Variants in MAN1A1 observed in about 807,000 individuals in gnomAD.
MAN1A1 encodes mannosyl-oligosaccharide 1,2-alpha-mannosidase IA.
MAN1A1 carries 29 observed loss-of-function variants against 70.8 expected under a neutral mutation model. The observed-to-expected ratio is 0.41, with a 90% CI of 0.31 to 0.56. The LOEUF is 0.56. Among genes scored for constraint, MAN1A1 ranks in the 20% least tolerant of loss-of-function variants. MAN1A1 has a pLI of 0.29. For synonymous variants in MAN1A1, 349 were observed against 330.1 expected, an observed-to-expected ratio of 1.06 and a Z score of -0.62; for missense variants, 747 against 841.3, an observed-to-expected ratio of 0.89 and a Z score of 1.39.
At chr6:119,298,829 C>T (rs1190181110) in intron 4 of MAN1A1, among the ~76,000 whole-genome samples, 1 of 152,002 alleles carries the variant, frequency 6.6e-6, no homozygotes, top group East Asian at 1.9e-4. Flanking sequence ...ATCTCCTGAC[C>T]TCATGATCCA....
intron 6 of MAN1A1, among the ~76,000 whole-genome samples, chr6:119,241,921 TG>T (rs1775016135): frequency 6.8e-6 from 1 of 147,288 alleles, no homozygotes; most frequent in African/African-American, 2.5e-5. Flanking sequence ...TGTGTGTGTG[TG>T]TTTGTGTATG....
At chr6:119,336,514 T>A (rs535630566) in intron 2 of MAN1A1, among the ~76,000 whole-genome samples, 1 of 152,324 alleles carries the variant, frequency 6.6e-6, no homozygotes, top group South Asian at 2.1e-4. Context: ...TAGTCATCTG[T>A]AGAATAAACT....
intron 8 of MAN1A1, among the ~76,000 whole-genome samples, chr6:119,197,816 T>C (rs1329232891): frequency 2.6e-5 from 4 of 151,188 alleles, no homozygotes; most frequent in Non-Finnish European, 5.9e-5. Flanking sequence ...TTTTTTTCCA[T>C]CAGGAAATTG....
chr6:119,242,974 C>T (rs1486157393), intron 6 of MAN1A1, among the ~76,000 whole-genome samples: 2 of 151,716 alleles, frequency 1.3e-5, no homozygotes, highest in African/African-American at 4.8e-5. Flanking sequence ...AAAAAAAATC[C>T]AACTGGGGGA....
intron 6 of MAN1A1, among the ~76,000 whole-genome samples, chr6:119,222,610 A>G (rs1774395477): frequency 6.6e-6 from 1 of 152,188 alleles, no homozygotes; most frequent in Admixed American, 6.5e-5. Context: ...TACAGGCATG[A>G]GCCACTATGC....
At chr6:119,253,054 G>A (rs959253098) in intron 5 of MAN1A1, among the ~76,000 whole-genome samples, 4 of 152,126 alleles carry the variant, frequency 2.6e-5, no homozygotes, top group African/African-American at 7.2e-5. Context: ...AAAAATCGTC[G>A]TTTTGAAGTG....
At chr6:119,272,204 T>C (rs1469459769) in intron 5 of MAN1A1, among the ~76,000 whole-genome samples, 2 of 152,234 alleles carry the variant, frequency 1.3e-5, no homozygotes, top group African/African-American at 4.8e-5. Context: ...TCTAATTGTC[T>C]TCAGTTTCCA....
intron 6 of MAN1A1, among the ~76,000 whole-genome samples, chr6:119,232,154 C>T (rs766906967): frequency 9.9e-5 from 15 of 151,902 alleles, no homozygotes; most frequent in Non-Finnish European, 8.8e-5. Context: ...AGGCGGATCA[C>T]GAGGTCAGGA....
At chr6:119,181,660 T>TG (rs1277761693) in intron 11 of MAN1A1, among the ~76,000 whole-genome samples, 2 of 152,200 alleles carry the variant, frequency 1.3e-5, no homozygotes, top group Non-Finnish European at 2.9e-5. Context: ...AGATGGCTGC[T>TG]GTTTGTGTTT....
intron 4 of MAN1A1, among the ~76,000 whole-genome samples, chr6:119,292,548 G>A (rs1772069437): frequency 6.6e-6 from 1 of 151,706 alleles, no homozygotes; most frequent in African/African-American, 2.4e-5. Flanking sequence ...AAAAAAAGGA[G>A]GTATGTATTA....
At chr6:119,316,858 GAT>G (rs1772867519) in intron 2 of MAN1A1, among the ~76,000 whole-genome samples, 1 of 151,662 alleles carries the variant, frequency 6.6e-6, no homozygotes, top group African/African-American at 2.4e-5. Context: ...ATTATTTAGT[GAT>G]CGATGAAAAT....
intron 11 of MAN1A1, among the ~76,000 whole-genome samples, chr6:119,183,818 C>T (rs1043817287): frequency 6.6e-6 from 1 of 152,088 alleles, no homozygotes; most frequent in Non-Finnish European, 1.5e-5. Context: ...AGTGGGCCAA[C>T]TTCCAGCTTG....
chr6:119,217,534 C>A (rs1774242597), intron 6 of MAN1A1, among the ~76,000 whole-genome samples: 2 of 152,290 alleles, frequency 1.3e-5, no homozygotes, highest in African/African-American at 4.8e-5. Context: ...CCTGCCTCGG[C>A]CTCCCAAAGG....
rs151003745 is a variant in MAN1A1, at chr6:119,325,744, T to C, written c.604-18752A>G. Among the ~76,000 whole-genome samples, 6 of 152,210 alleles carry C rather than the reference T, an allele frequency of 3.9e-5. No homozygotes were observed. In the East Asian group the frequency reaches 7.7e-4, roughly 20 times the overall value. On this transcript the variant is annotated intron_variant, in intron 2 of 12. Transcript: ENST00000368468. Reference sequence around the variant, plus strand: ...GCCCAGAATACGAACAATAATGGAATTGAAATAAGATAGTTTGTCAAAGGC... The same window carrying C: ...GCCCAGAATACGAACAATAATGGAACTGAAATAAGATAGTTTGTCAAAGGC...
At chr6:119,305,579 C>T (rs1331161806) in intron 3 of MAN1A1, among the ~76,000 whole-genome samples, 1 of 152,106 alleles carries the variant, frequency 6.6e-6, no homozygotes. Context: ...AACTGTGTCA[C>T]TCTGATAGAC....
intron 5 of MAN1A1, among the ~76,000 whole-genome samples, chr6:119,265,212 T>C (rs1775720384): frequency 6.6e-6 from 1 of 152,000 alleles, no homozygotes; most frequent in African/African-American, 2.4e-5. Flanking sequence ...GTGATCCTCC[T>C]ACCTCAGCCT....
chr6:119,327,939 G>A (rs926153661), intron 2 of MAN1A1, among the ~76,000 whole-genome samples: 8 of 152,154 alleles, frequency 5.3e-5, no homozygotes, highest in East Asian at 1.9e-4. Flanking sequence ...TAGTTCTACA[G>A]TTGGCAAGGA....
chr6:119,285,095 G>T (rs981534582), intron 5 of MAN1A1, among the ~76,000 whole-genome samples: 7 of 151,850 alleles, frequency 4.6e-5, no homozygotes, highest in African/African-American at 1.5e-4. Flanking sequence ...CATGGCCAGA[G>T]GGGGAGCAGG....
chr6:119,241,440 A>AAGC (rs978208564), intron 6 of MAN1A1, among the ~76,000 whole-genome samples: 8 of 152,264 alleles, frequency 5.3e-5, no homozygotes, highest in Non-Finnish European at 1.2e-4. Context: ...GTCGTTGGGC[A>AAGC]AGCAGCAGCA....
Sources: gnomAD v4.1 joint callset for allele counts (sites outside exome capture counted in the v4.1 genomes callset) on GRCh38, gnomAD v4.1.1 for gene constraint, MANE v1.5 for transcripts, NCBI Gene and HGNC (gene_info 2026-07-23, HGNC 2026-07-21) for gene names.